The following TASP1 variants were observed in gnomAD, a reference collection of about 807,000 sequenced individuals.
TASP1 encodes the protein threonine aspartase 1.
A neutral mutation model predicts 56.6 loss-of-function variants in TASP1; 16 were observed. That is an observed-to-expected ratio of 0.28 (90% CI 0.19 to 0.43). The LOEUF (loss-of-function observed/expected upper bound fraction) is 0.43, where lower values mean the gene tolerates loss of function less well. Among genes scored for constraint, TASP1 ranks in the 20% least tolerant of loss-of-function variants. The pLI, the probability that TASP1 is intolerant of heterozygous loss-of-function variation, is 1.00. For synonymous variants in TASP1, 179 were observed against 184.2 expected (o/e 0.97, Z 0.23); for missense variants, 393 against 511.6 (o/e 0.77, Z 2.24).
chr20:13,207,878 G>A, the TASP1 span, among the ~76,000 whole-genome samples: 7 of 151,798 alleles, frequency 4.6e-5, no homozygotes, highest in Admixed American at 6.6e-5. Flanking sequence ...GCCTAATATC[G>A]ATATATCAGT....
At chr20:13,456,175 C>T (rs572559904) in intron 11 of TASP1, among the ~76,000 whole-genome samples, 7 of 152,122 alleles carry the variant, frequency 4.6e-5, no homozygotes, top group African/African-American at 1.4e-4. Context: ...TCAAGAGCAA[C>T]GGTCATGGCA....
At chr20:13,278,984 G>C in the TASP1 span, among the ~76,000 whole-genome samples, 3 of 152,216 alleles carry the variant, frequency 2.0e-5, no homozygotes, top group East Asian at 5.8e-4. Context: ...TAAGGCCTCT[G>C]TTAATACCTG....
intron 10 of TASP1, among the ~76,000 whole-genome samples, chr20:13,505,682 T>TA (rs1310118019): frequency 6.6e-6 from 1 of 151,888 alleles, no homozygotes; most frequent in Non-Finnish European, 1.5e-5. Flanking sequence ...AGGAAGAAAT[T>TA]AAAAGGGAAA....
intron 13 of TASP1, among the ~76,000 whole-genome samples, chr20:13,410,317 C>T (rs2042054422): frequency 6.6e-6 from 1 of 152,194 alleles, no homozygotes; most frequent in Non-Finnish European, 1.5e-5. Context: ...CTTTGATGTA[C>T]TGACGTCCTT....
Position 13,503,172 on chromosome 20 carries a change from G to A in TASP1, c.875-19835C>T, listed in dbSNP as rs538040052. 5.9e-5 allele frequency among the ~76,000 whole-genome samples: 9 copies of A among 152,162 alleles called. No individual in the cohort carries two copies. In the South Asian group the frequency reaches 1.9e-3, roughly 32 times the overall value. On this transcript the variant is annotated intron_variant, in intron 10 of 13. Coordinates refer to ENST00000337743, the MANE Select transcript of TASP1 (RefSeq NM_017714.3). The stretch of plus-strand genomic sequence containing the variant: ...TACTAACCACTCCATGACTCCTTCA[G>A]AAAGCCTGCACACAAGCCATGTGGG...
chr20:13,619,364 C>A (rs1320880798), intron 4 of TASP1, among the ~76,000 whole-genome samples: 2 of 152,148 alleles, frequency 1.3e-5, no homozygotes, highest in Non-Finnish European at 2.9e-5. Flanking sequence ...GTCTGTCGTT[C>A]ATATTTCACC....
the TASP1 span, among the ~76,000 whole-genome samples, chr20:13,308,209 T>C: frequency 5.9e-5 from 9 of 152,128 alleles, no homozygotes; most frequent in African/African-American, 2.2e-4. Context: ...CAGGAATCCA[T>C]CATCAATGAA....
chr20:13,426,222 C>G (rs1168301274), intron 12 of TASP1, among the ~76,000 whole-genome samples: 1 of 152,138 alleles, frequency 6.6e-6, no homozygotes, highest in East Asian at 1.9e-4. Flanking sequence ...GAACAGAAAA[C>G]CATTCAGTAA....
chr20:13,308,310 A>T, the TASP1 span, among the ~76,000 whole-genome samples: 1 of 152,186 alleles, frequency 6.6e-6, no homozygotes, highest in Admixed American at 6.6e-5. Context: ...CATGGGACCA[A>T]ATGAGGGTGT....
intron 1 of TASP1, among the ~76,000 whole-genome samples, chr20:13,638,399 C>T (rs1254366919): frequency 6.6e-6 from 1 of 151,800 alleles, no homozygotes; most frequent in Admixed American, 6.6e-5. Context: ...CTTCTCGGTC[C>T]TTTCCTCCTC....
At chr20:13,410,363 ATTGCATGGTAGTCCTATT>A (rs1425544465) in intron 13 of TASP1, among the ~76,000 whole-genome samples, 1 of 152,190 alleles carries the variant, frequency 6.6e-6, no homozygotes, top group African/African-American at 2.4e-5. Flanking sequence ...GAAAGGTTGG[ATTGCATGGTAGTCCTATT>A]TTCAGTTTTT....
the TASP1 span, among the ~76,000 whole-genome samples, chr20:13,334,803 A>C: frequency 6.6e-6 from 1 of 152,264 alleles, no homozygotes; most frequent in African/African-American, 2.4e-5. Context: ...AATCTCATTA[A>C]AATGACAGTC....
intron 11 of TASP1, among the ~76,000 whole-genome samples, chr20:13,457,870 C>T (rs145554354): frequency 5.8e-4 from 89 of 152,204 alleles, no homozygotes; most frequent in African/African-American, 1.9e-3. Context: ...AACTATATCC[C>T]GGAAGGGGCT....
the TASP1 span, among the ~76,000 whole-genome samples, chr20:13,107,702 C>T: frequency 1.3e-5 from 2 of 151,976 alleles, no homozygotes; most frequent in African/African-American, 4.8e-5. Flanking sequence ...TTGATTAATT[C>T]CACATTTAAA....
At chr20:13,568,134 T>C (rs937457821) in intron 7 of TASP1, among the ~76,000 whole-genome samples, 3 of 152,176 alleles carry the variant, frequency 2.0e-5, no homozygotes, top group Admixed American at 1.3e-4. Flanking sequence ...CAGCATTACA[T>C]GAATATTCAT....
At chr20:13,279,888 G>A in the TASP1 span, 1 of 1,613,884 alleles carries the variant, frequency 6.2e-7, no homozygotes, top group Non-Finnish European at 8.5e-7. Context: ...CCAAAGATCA[G>A]CCAGAATATG....
the TASP1 span, among the ~76,000 whole-genome samples, chr20:13,179,392 A>G: frequency 8.1e-6 from 1 of 123,298 alleles, no homozygotes; most frequent in Non-Finnish European, 1.7e-5. Flanking sequence ...TCTTTGGATA[A>G]GTAGAATTAT....
chr20:13,202,044 C>T, the TASP1 span, among the ~76,000 whole-genome samples: 5 of 152,128 alleles, frequency 3.3e-5, no homozygotes, highest in Non-Finnish European at 7.3e-5. Flanking sequence ...TGAGCCACCG[C>T]GCCTGGCAGA....
At chr20:13,300,629 T>TAATAA in the TASP1 span, 32 of 152,332 alleles carry the variant, frequency 2.1e-4, no homozygotes, top group East Asian at 4.4e-3. Flanking sequence ...AGAGAGTATA[T>TAATAA]AATAAAATCA....
Sources: allele counts gnomAD v4.1 joint callset (sites outside exome capture counted in the v4.1 genomes callset), GRCh38; gene constraint gnomAD v4.1.1; transcripts MANE v1.5; gene names NCBI Gene and HGNC (gene_info 2026-07-23, HGNC 2026-07-21).